The following POLA2 variants were observed in gnomAD, a reference collection of about 807,000 sequenced individuals.
POLA2 encodes the protein DNA polymerase alpha 2, accessory subunit.
POLA2 carries 47 observed loss-of-function variants against 82.8 expected under a neutral mutation model. That is an observed-to-expected ratio of 0.57 (90% CI 0.45 to 0.72). The LOEUF is 0.72. Ranked by LOEUF, POLA2 falls within the 30% of genes least tolerant of loss-of-function variation. The pLI, the probability that POLA2 is intolerant of heterozygous loss-of-function variation, is 0.00. For synonymous variants in POLA2, 287 were observed against 286.8 expected (o/e 1.00, Z -0.01); for missense variants, 634 against 728.1 (o/e 0.87, Z 1.49).
chr11:65,297,257 C>T lies in POLA2; in HGVS notation c.1785C>T (p.Val595=), dbSNP rs749335729. 36 of 1,607,674 alleles carry T rather than the reference C, an allele frequency of 2.2e-5. No individual in the cohort carries two copies. The highest frequency in any genetic ancestry group is 2.7e-5 in the African/African-American group (2 of 74,720). ...AGAGCCCATGCATTGCTGTGCAGGT[C>T]GTCAGGATCTGAGGCTTCTGTCCTC... ...ERQSPCIAVQ[V]VRI The change falls in exon 18 of 18, where the codon GTC becomes GTT. Residue 595 remains valine, a synonymous_variant. Transcript: ENST00000265465.
At chr11:65,305,889 A>C (rs1005958281), downstream of POLA2, among the ~76,000 whole-genome samples, 1 of 152,148 alleles carries the variant, frequency 6.6e-6, no homozygotes, top group African/African-American at 2.4e-5. Flanking sequence ...AAATTACCAT[A>C]CATCCTTGTG....
In POLA2 at chr11:65,288,921, C is replaced by T; in HGVS notation, c.1132-129C>T. ...AGCCCATCTGCTAACTGTCCCCAGG[C>T]TCTACAGGCAGCCTTGGAGGGACAG... On this transcript the variant is annotated intron_variant, in intron 11 of 17. Coordinates refer to ENST00000265465, the MANE Select transcript of POLA2 (RefSeq NM_002689.4). 3 of 822,284 alleles carry T rather than the reference C, an allele frequency of 3.6e-6. No individual in the cohort carries two copies. In the South Asian group the frequency reaches 5.2e-5, roughly 14 times the overall value. 50.9% of individuals were successfully genotyped at this position (822,284 alleles called of 1,614,324 possible). A position where few individuals can be genotyped will look rare whatever the true frequency, so the allele number is the denominator to read the frequency against.
At chr11:65,301,015 C>T (rs1949856732), downstream of POLA2, among the ~76,000 whole-genome samples, 1 of 152,180 alleles carries the variant, frequency 6.6e-6, no homozygotes, top group Non-Finnish European at 1.5e-5. Context: ...CATCCACTGT[C>T]GGGTTTTTCC....
At chr11:65,295,779 A>G in intron 16 of POLA2, 85 bp from the exon 17 acceptor site, 1 of 1,522,792 alleles carries the variant, frequency 6.6e-7, no homozygotes, top group South Asian at 1.2e-5. Context: ...TGCCAGCAGC[A>G]CGAAAGCCAG....
intron 8 of POLA2, 23 bp from the exon 9 acceptor site, chr11:65,281,647 T>TC (rs1386193075): frequency 6.3e-7 from 1 of 1,584,066 alleles, no homozygotes; most frequent in East Asian, 2.2e-5. Flanking sequence ...TGCTTAGCAA[T>TC]CCTGTTTGTT....
downstream of POLA2, among the ~76,000 whole-genome samples, chr11:65,301,960 G>A (rs1227834720): frequency 6.6e-6 from 1 of 152,126 alleles, no homozygotes; most frequent in Non-Finnish European, 1.5e-5. Context: ...CTGGACTGCC[G>A]CTGGCTCTGA....
At position 65,295,891 on chromosome 11, in the gene POLA2, A is replaced by C; in HGVS notation, c.1548A>C (p.Glu516Asp). 6.2e-7 allele frequency: 1 copy of C among 1,613,678 alleles called. No homozygotes were observed. The highest frequency in any genetic ancestry group is 8.5e-7 in the Non-Finnish European group (1 of 1,179,612). Residue 516 changes from glutamate to aspartate, a missense_variant, in exon 17 of 18, where the codon GAA becomes GAC. Transcript: ENST00000265465. Reference sequence around the variant, plus strand: ...ACTACCCACTCTACCCGCCCCAAGAAGACATGGCCATTGACTATGAGTCGT... The same window carrying C: ...ACTACCCACTCTACCCGCCCCAAGACGACATGGCCATTGACTATGAGTCGT... ...RSYYPLYPPQ[E>D]DMAIDYESFY...
rs779047705 is a variant in POLA2 at position 65,264,224 on chromosome 11, C to T, written c.79+1853C>T. ...CTGGGATTACAGGCTCCCGCCACCA[C>T]GCCCGGCTAATTTTTTGTATTTTTA... On this transcript the variant is annotated intron_variant, in intron 1 of 17. Coordinates refer to ENST00000265465, the MANE Select transcript of POLA2 (RefSeq NM_002689.4). Among the ~76,000 whole-genome samples, 15 of 152,168 alleles carry T rather than the reference C, an allele frequency of 9.9e-5. No individual in the cohort carries two copies. In the South Asian group the frequency reaches 1.0e-3, roughly 11 times the overall value.
chr11:65,280,890 TTTG>T (rs1949632956), intron 7 of POLA2, 99 bp from the exon 8 acceptor site: 2 of 1,146,908 alleles, frequency 1.7e-6, no homozygotes, highest in South Asian at 2.8e-5. Context: ...AAGAAATGTA[TTTG>T]TTGTTTGCAG....
intron 5 of POLA2, among the ~76,000 whole-genome samples, chr11:65,277,657 T>C (rs957476613): frequency 7.9e-5 from 12 of 152,212 alleles, no homozygotes; most frequent in Non-Finnish European, 1.6e-4. Flanking sequence ...CAAATGTCAA[T>C]ACAATGCTCT....
In POLA2 at chr11:65,281,669, G is replaced by GTC; in HGVS notation, c.901-1_901insTC (p.Val301SerfsTer3). On this transcript the variant is annotated frameshift_variant and splice_region_variant. Coordinates refer to ENST00000265465, the MANE Select transcript of POLA2 (RefSeq NM_002689.4). LOFTEE classifies it high-confidence loss of function. ...CAATCCTGTTTGTTTTTGTCTTTCA[G>GTC]GTTGTAATTATGGAAGGAATCAACA... The GTC allele has an allele frequency of 6.2e-7, 1 of 1,612,414 alleles. No homozygotes were observed.
At chr11:65,282,954 C>A (rs1425667397) in intron 10 of POLA2, among the ~76,000 whole-genome samples, 1 of 151,990 alleles carries the variant, frequency 6.6e-6, no homozygotes, top group Non-Finnish European at 1.5e-5. Flanking sequence ...CATAGGGAGA[C>A]CCTGTCTCTA....
Position 65,297,386 on chromosome 11 carries a change from AG to A in POLA2, c.*120del. 8.1e-7 allele frequency: 1 copy of A among 1,240,778 alleles called. No homozygotes were observed. Among genetic ancestry groups the A allele is most frequent in the Non-Finnish European group, 1.1e-6 (1 of 930,892 alleles). The allele number at this position is 1,240,778 out of a possible 1,614,324, so 76.9% of individuals were successfully genotyped here. A position where few individuals can be genotyped will look rare whatever the true frequency, so the allele number is the denominator to read the frequency against. ...GTGGGAAAGGAGAGAGGAGCCAGCCAGGGAGGGGCAGCTGCAGTGACCAGGC... is the reference window on the plus strand; with the variant it reads ...GTGGGAAAGGAGAGAGGAGCCAGCCAGGAGGGGCAGCTGCAGTGACCAGGC... On this transcript the variant is annotated 3_prime_UTR_variant, in exon 18 of 18. Coordinates refer to ENST00000265465, the MANE Select transcript of POLA2 (RefSeq NM_002689.4).
intron 6 of POLA2, 114 bp downstream of exon 6, chr11:65,279,037 A>G (rs1296535260): frequency 5.9e-6 from 5 of 848,070 alleles, no homozygotes; most frequent in Admixed American, 2.6e-5. Flanking sequence ...CTTTCAATGT[A>G]TGAGTTGGTA....
chr11:65,291,356 G>A (rs1025088026), intron 13 of POLA2, among the ~76,000 whole-genome samples: 17 of 152,210 alleles, frequency 1.1e-4, no homozygotes, highest in Admixed American at 8.5e-4. Flanking sequence ...AGCAGTGTGG[G>A]CCAGGATGGT....
intron 13 of POLA2, among the ~76,000 whole-genome samples, chr11:65,292,376 G>A (rs1949764519): frequency 6.6e-6 from 1 of 152,236 alleles, no homozygotes; most frequent in African/African-American, 2.4e-5. Flanking sequence ...TAGTTGGGAT[G>A]TTTTTCTGAT....
chr11:65,292,709 T>C (rs184527579), intron 13 of POLA2, among the ~76,000 whole-genome samples: 113 of 152,360 alleles, frequency 7.4e-4, no homozygotes, highest in Non-Finnish European at 1.2e-3. Flanking sequence ...TTTTCTGTTA[T>C]AGACATCTCA....
chr11:65,302,764 T>A (rs550617386), downstream of POLA2, among the ~76,000 whole-genome samples: 1 of 152,142 alleles, frequency 6.6e-6, no homozygotes, highest in African/African-American at 2.4e-5. Flanking sequence ...AGTCTCACTC[T>A]GTCGCCCAGT....
At chr11:65,304,358 T>TCCAC (rs935652555) in intron 8 of POLA2, among the ~76,000 whole-genome samples, 1 of 138,614 alleles carries the variant, frequency 7.2e-6, no homozygotes, top group Non-Finnish European at 1.6e-5. Flanking sequence ...CATTCATCCA[T>TCCAC]CCACCCACCC....
Sources: gnomAD v4.1 joint callset for allele counts (sites outside exome capture counted in the v4.1 genomes callset) on GRCh38, gnomAD v4.1.1 for gene constraint, MANE v1.5 for transcripts, NCBI Gene and HGNC (gene_info 2026-07-23, HGNC 2026-07-21) for gene names.